SP140: variants seen among roughly 807,000 people sequenced by gnomAD.
SP140 encodes the protein SP140 nuclear body protein, also known as nuclear body protein SP140.
SP140 carries 81 observed loss-of-function variants against 125.0 expected under a neutral mutation model. The ratio of observed to expected loss-of-function variants is 0.65; its 90% CI spans 0.54 to 0.78. The LOEUF is 0.78. SP140 is among the 30% of genes least tolerant of loss of function. SP140 has a pLI of 0.00. For missense variants in SP140, 858 were observed against 1,037.0 expected (o/e 0.83, Z 2.37); for synonymous variants, 312 against 354.0 (o/e 0.88, Z 1.33).
rs565059370 is a variant in SP140 at position 230,246,975 on chromosome 2, G to A, written c.743-941G>A. Among the ~76,000 whole-genome samples the A allele has an allele frequency of 4.6e-5, 7 of 152,110 alleles. No homozygotes were observed. In the South Asian group the frequency reaches 1.2e-3, roughly 27 times the overall value. ...AATATGGGACATTGTAGGGATGGAGGGAAGATTCACTAGACAGAAATAACT... is the reference window on the plus strand; with the variant it reads ...AATATGGGACATTGTAGGGATGGAGAGAAGATTCACTAGACAGAAATAACT... On this transcript the variant is annotated intron_variant, in intron 7 of 26. Coordinates refer to ENST00000392045, the MANE Select transcript of SP140 (RefSeq NM_007237.5).
chr2:230,193,088 T>G, the SP140 span, among the ~76,000 whole-genome samples: 1 of 152,228 alleles, frequency 6.6e-6, no homozygotes, highest in Non-Finnish European at 1.5e-5. Context: ...AGATTGATCC[T>G]TTTATCATTA....
At chr2:230,230,089 G>C (rs1245320825) in intron 1 of SP140, among the ~76,000 whole-genome samples, 1 of 152,162 alleles carries the variant, frequency 6.6e-6, no homozygotes, top group Non-Finnish European at 1.5e-5. Flanking sequence ...TTGCAGGAGA[G>C]AGAGAATTTA....
At chr2:230,297,672 A>G (rs1425812479) in intron 22 of SP140, among the ~76,000 whole-genome samples, 1 of 152,216 alleles carries the variant, frequency 6.6e-6, no homozygotes, top group Admixed American at 6.5e-5. Context: ...CTGTTTCAGT[A>G]GAAACCTTCC....
chr2:230,212,285 G>T, intron 1 of SP140: 1 of 1,235,302 alleles, frequency 8.1e-7, no homozygotes, highest in Non-Finnish European at 1.2e-6. Context: ...TTGGTTGGCA[G>T]ACGCATGTTC....
chr2:230,263,274 G>A (rs2052567837), intron 12 of SP140, among the ~76,000 whole-genome samples: 1 of 152,094 alleles, frequency 6.6e-6, no homozygotes, highest in Non-Finnish European at 1.5e-5. Flanking sequence ...TATAAGAATA[G>A]CTACCCCTGC....
At chr2:230,191,875 G>A in the SP140 span, among the ~76,000 whole-genome samples, 1 of 151,950 alleles carries the variant, frequency 6.6e-6, no homozygotes, top group Non-Finnish European at 1.5e-5. Flanking sequence ...ACATCAATAC[G>A]AAAATCCTCA....
intron 20 of SP140, 100 bp from the exon 21 acceptor site, chr2:230,294,171 G>A: frequency 1.1e-6 from 1 of 903,800 alleles, no homozygotes. Context: ...AGCTGGCAGT[G>A]GAACACTCAG....
intron 19 of SP140, among the ~76,000 whole-genome samples, chr2:230,290,787 A>C (rs1424886480): frequency 2.0e-5 from 3 of 152,226 alleles, no homozygotes; most frequent in African/African-American, 7.2e-5. Context: ...AAAGAACCAA[A>C]GAGAAGGCAG....
At chr2:230,249,868 C>G (rs1025247151) in intron 9 of SP140, among the ~76,000 whole-genome samples, 4 of 152,112 alleles carry the variant, frequency 2.6e-5, no homozygotes, top group Non-Finnish European at 2.9e-5. Context: ...TCCAGGCCCC[C>G]CTAGGTAGAC....
intron 9 of SP140, among the ~76,000 whole-genome samples, chr2:230,250,638 G>A (rs997211130): frequency 2.0e-5 from 3 of 152,162 alleles, no homozygotes; most frequent in Non-Finnish European, 4.4e-5. Flanking sequence ...CAGGAGCAGA[G>A]AATGGAGCAG....
At chr2:230,310,088 A>G in intron 23 of SP140, 49 bp downstream of exon 23, 1 of 1,570,954 alleles carries the variant, frequency 6.4e-7, no homozygotes. Context: ...GGGATCTTCC[A>G]CCTGCCATGC....
chr2:230,299,087 A>T (rs113844829), intron 22 of SP140, among the ~76,000 whole-genome samples: 13 of 152,348 alleles, frequency 8.5e-5, no homozygotes, highest in African/African-American at 3.1e-4. Context: ...AGGAGGCAGG[A>T]CTAACTTGCT....
chr2:230,231,561 A>C (rs548191142), intron 1 of SP140, among the ~76,000 whole-genome samples: 1 of 152,230 alleles, frequency 6.6e-6, no homozygotes, highest in South Asian at 2.1e-4. Context: ...TCCAGCTGTA[A>C]TCTGCTCTTA....
the SP140 span, among the ~76,000 whole-genome samples, chr2:230,198,044 T>C: frequency 3.3e-5 from 5 of 152,128 alleles, no homozygotes; most frequent in African/African-American, 1.2e-4. Context: ...TGAAACCAAA[T>C]TTTGGTGGTT....
chr2:230,192,549 A>C, the SP140 span, among the ~76,000 whole-genome samples: 1 of 152,190 alleles, frequency 6.6e-6, no homozygotes, highest in Admixed American at 6.5e-5. Flanking sequence ...TACAAAGAGA[A>C]TAAAATACCT....
chr2:230,216,166 T>G (rs569378206), intron 3 of SP140, among the ~76,000 whole-genome samples: 1 of 152,244 alleles, frequency 6.6e-6, no homozygotes, highest in African/African-American at 2.4e-5. Context: ...CTGTAGTGAG[T>G]TGAATGTTGG....
intron 3 of SP140, among the ~76,000 whole-genome samples, chr2:230,241,060 T>G (rs894687481): frequency 2.0e-5 from 3 of 152,186 alleles, no homozygotes; most frequent in African/African-American, 7.2e-5. Context: ...GAGTACATAC[T>G]GCATGATCCT....
At chr2:230,277,379 A>G (rs1023445899) in intron 15 of SP140, among the ~76,000 whole-genome samples, 1 of 152,164 alleles carries the variant, frequency 6.6e-6, no homozygotes, top group African/African-American at 2.4e-5. Context: ...TATGTTTAAG[A>G]TATGTTCATT....
intron 12 of SP140, among the ~76,000 whole-genome samples, 162 bp from the exon 13 acceptor site, chr2:230,269,370 C>T (rs1417021135): frequency 1.3e-5 from 2 of 150,196 alleles, no homozygotes; most frequent in African/African-American, 4.9e-5. Flanking sequence ...GAGAGCGTGG[C>T]TCTGTTATGT....
Sources: allele counts gnomAD v4.1 joint callset (sites outside exome capture counted in the v4.1 genomes callset), GRCh38; gene constraint gnomAD v4.1.1; transcripts MANE v1.5; gene names NCBI Gene and HGNC (gene_info 2026-07-23, HGNC 2026-07-21).